SEL1L3: variants seen among roughly 807,000 people sequenced by gnomAD.
SEL1L3 encodes protein sel-1 homolog 3.
Under a neutral mutation model 142.8 loss-of-function variants are expected in SEL1L3, and 76 were observed. The observed-to-expected ratio is 0.53, with a 90% CI of 0.44 to 0.64. The LOEUF is 0.64. SEL1L3 is among the 30% of genes least tolerant of loss of function. SEL1L3 has a pLI of 0.00. For missense variants in SEL1L3, 1,262 were observed against 1,381.7 expected (o/e 0.91, Z 1.37); for synonymous variants, 504 against 519.6 (o/e 0.97, Z 0.41).
At chr4:25,768,634 G>T (rs1718929172) in intron 17 of SEL1L3, among the ~76,000 whole-genome samples, 2 of 152,148 alleles carry the variant, frequency 1.3e-5, no homozygotes, top group South Asian at 4.1e-4. Context: ...TTGCCACGGA[G>T]TTCATGGTAG....
intron 11 of SEL1L3, among the ~76,000 whole-genome samples, chr4:25,795,608 G>T (rs1252739739): frequency 6.6e-6 from 1 of 152,188 alleles, no homozygotes; most frequent in African/African-American, 2.4e-5. Context: ...ACAGAGGTAA[G>T]CAGAATGATC....
At position 25,835,342 on chromosome 4, in the gene SEL1L3, C is replaced by T. The variant is rs760355312; in HGVS notation, c.734-19G>A. The T allele has an allele frequency of 8.7e-6, 14 of 1,612,262 alleles. No homozygotes were observed. In the African/African-American group the frequency reaches 1.1e-4, roughly 12 times the overall value. On this transcript the variant is annotated intron_variant, in intron 2 of 23. Coordinates refer to ENST00000399878, the MANE Select transcript of SEL1L3 (RefSeq NM_015187.5). The stretch of plus-strand genomic sequence containing the variant: ...ACCACATCTGCAAACAGCAAAATGG[C>T]TCCCTTTCAATTATATCCAGAAAAA...
chr4:25,765,504 C>A, intron 19 of SEL1L3, 69 bp from the exon 20 acceptor site: 1 of 1,012,644 alleles, frequency 9.9e-7, no homozygotes, highest in Non-Finnish European at 1.6e-6. Context: ...AAATTATTGG[C>A]GCATTCACAT....
At chr4:25,831,028 G>A (rs1715404122) in intron 5 of SEL1L3, among the ~76,000 whole-genome samples, 1 of 152,052 alleles carries the variant, frequency 6.6e-6, no homozygotes, top group South Asian at 2.1e-4. Flanking sequence ...AGAATAGAAA[G>A]AAGAAGGACA....
At chr4:25,729,835 C>T in the SEL1L3 span, among the ~76,000 whole-genome samples, 2 of 152,202 alleles carry the variant, frequency 1.3e-5, no homozygotes, top group African/African-American at 4.8e-5. Context: ...TCTCAGCTTG[C>T]AATGTTGCAA....
At chr4:25,811,443 T>C (rs1714015812) in intron 9 of SEL1L3, among the ~76,000 whole-genome samples, 2 of 152,056 alleles carry the variant, frequency 1.3e-5, no homozygotes, top group African/African-American at 4.8e-5. Flanking sequence ...GAGGGAAATG[T>C]GGAAGGAAGC....
intron 16 of SEL1L3, chr4:25,777,889 T>C (rs1291878566): frequency 4.4e-6 from 2 of 455,942 alleles, no homozygotes; most frequent in Non-Finnish European, 8.8e-6. Context: ...CGACAAACTT[T>C]TTCTGTAAAG....
chr4:25,831,510 A>AATAATAATTATT (rs1439018406), intron 5 of SEL1L3, among the ~76,000 whole-genome samples: 8 of 122,598 alleles, frequency 6.5e-5, no homozygotes, highest in East Asian at 2.4e-4. Flanking sequence ...TAATAATAAT[A>AATAATAATTATT]ATTATTATTA....
At chr4:25,780,019 A>G (rs966183730) in intron 15 of SEL1L3, among the ~76,000 whole-genome samples, 3 of 152,182 alleles carry the variant, frequency 2.0e-5, no homozygotes, top group African/African-American at 7.2e-5. Flanking sequence ...CAGTGCTTCA[A>G]AAAGAATAAT....
chr4:25,742,102 G>A, the SEL1L3 span, among the ~76,000 whole-genome samples: 4 of 151,960 alleles, frequency 2.6e-5, no homozygotes, highest in African/African-American at 9.7e-5. Context: ...GTGAGCCACC[G>A]TGCCCGGCCA....
the SEL1L3 span, among the ~76,000 whole-genome samples, chr4:25,716,548 A>C: frequency 3.9e-5 from 6 of 152,340 alleles, no homozygotes; most frequent in South Asian, 2.1e-4. Context: ...AGATACGTAC[A>C]AAATATCCAT....
chr4:25,758,697 A>T (rs1421380172), intron 21 of SEL1L3, among the ~76,000 whole-genome samples: 2 of 146,514 alleles, frequency 1.4e-5, no homozygotes, highest in Non-Finnish European at 3.0e-5. Context: ...TTCTTTTAGT[A>T]GAGATAAGGT....
intron 23 of SEL1L3, chr4:25,755,842 A>G (rs1012025833): frequency 1.0e-6 from 1 of 975,604 alleles, no homozygotes; most frequent in African/African-American, 1.8e-5. Flanking sequence ...CAATATTTCT[A>G]CAGAGTAAAA....
chr4:25,757,136 C>T (rs966995452), intron 23 of SEL1L3, among the ~76,000 whole-genome samples: 14 of 151,832 alleles, frequency 9.2e-5, no homozygotes, highest in South Asian at 4.2e-4. Flanking sequence ...GGTGTGGTGG[C>T]GCACACCTGT....
At chr4:25,726,039 A>G in the SEL1L3 span, among the ~76,000 whole-genome samples, 1 of 152,032 alleles carries the variant, frequency 6.6e-6, no homozygotes. Flanking sequence ...GCAGCCCAAC[A>G]GGTCTCAGCC....
At chr4:25,797,153 T>A (rs60148981) in intron 11 of SEL1L3, among the ~76,000 whole-genome samples, 1 of 143,290 alleles carries the variant, frequency 7.0e-6, no homozygotes, top group African/African-American at 2.5e-5. Flanking sequence ...CAGGTGAGGG[T>A]GAGAGAGGGA....
At chr4:25,757,869 C>G in intron 21 of SEL1L3, 79 bp from the exon 22 acceptor site, 1 of 934,474 alleles carries the variant, frequency 1.1e-6, no homozygotes, top group Non-Finnish European at 1.7e-6. Flanking sequence ...TTCAGATCCA[C>G]AAACCTACAT....
At chr4:25,850,672 G>A (rs1208004461) in intron 1 of SEL1L3, among the ~76,000 whole-genome samples, 2 of 152,180 alleles carry the variant, frequency 1.3e-5, no homozygotes, top group Non-Finnish European at 2.9e-5. Context: ...AGGAGATAGG[G>A]AAGCCTAAAC....
chr4:25,821,143 T>C (rs1714724820), intron 7 of SEL1L3, among the ~76,000 whole-genome samples: 1 of 152,250 alleles, frequency 6.6e-6, no homozygotes, highest in Non-Finnish European at 1.5e-5. Context: ...TCAATAAGCA[T>C]TTGTTGCACA....
Sources: allele counts gnomAD v4.1 joint callset (sites outside exome capture counted in the v4.1 genomes callset), GRCh38; gene constraint gnomAD v4.1.1; transcripts MANE v1.5; gene names NCBI Gene and HGNC (gene_info 2026-07-23, HGNC 2026-07-21).